BCAT1: variants seen among roughly 807,000 people sequenced by gnomAD.
The protein encoded by BCAT1 is branched-chain-amino-acid aminotransferase, cytosolic.
Under a neutral mutation model 52.4 loss-of-function variants are expected in BCAT1, and 48 were observed. The ratio of observed to expected loss-of-function variants is 0.92; its 90% CI spans 0.73 to 1.16. The LOEUF (loss-of-function observed/expected upper bound fraction) is 1.16, where lower values mean the gene tolerates loss of function less well. BCAT1 is among the 50% of genes most tolerant of loss of function. The pLI is 0.00. For synonymous variants in BCAT1, 167 were observed against 161.3 expected (o/e 1.04, Z -0.27); for missense variants, 451 against 457.1 (o/e 0.99, Z 0.12).
At chr12:24,881,280 G>A (rs1191104331) in intron 4 of BCAT1, 21 bp downstream of exon 4, 1 of 1,533,220 alleles carries the variant, frequency 6.5e-7, no homozygotes, top group East Asian at 2.3e-5. Context: ...AAACACAAAA[G>A]AAACTCCTAC....
At chr12:24,894,223 T>G in intron 3 of BCAT1, 52 bp downstream of exon 3, 1 of 1,559,546 alleles carries the variant, frequency 6.4e-7, no homozygotes, top group East Asian at 2.3e-5. Context: ...AGCTACTTAG[T>G]ACCCACAGTG....
Position 24,811,271 on chromosome 12 carries a change from C to T in BCAT1, c.*6737G>A, listed in dbSNP as rs189119258. 6.6e-6 allele frequency: 1 copy of T among 152,216 alleles called. No individual in the cohort carries two copies. Among genetic ancestry groups the T allele is most frequent in the East Asian group, 1.9e-4 (1 of 5,188 alleles). 9.4% of individuals were successfully genotyped at this position (152,216 alleles called of 1,614,324 possible). ...AAAATACTATCCTACATTTACTTCC[C>T]TTGACCAGAAACCTTGAGACATCAT... On this transcript the variant is annotated 3_prime_UTR_variant, in exon 11 of 11. Transcript: ENST00000261192.
In BCAT1 at chr12:24,814,017, A is replaced by G. The variant is rs557593911; in HGVS notation, c.*3991T>C. 6.6e-6 allele frequency: 1 copy of G among 152,272 alleles called. No individual in the cohort carries two copies. Among genetic ancestry groups the G allele is most frequent in the South Asian group, 2.1e-4 (1 of 4,828 alleles). The allele number at this position is 152,272 out of a possible 1,614,324, so 9.4% of individuals were successfully genotyped here. On this transcript the variant is annotated 3_prime_UTR_variant, in exon 11 of 11. Coordinates refer to ENST00000261192, the MANE Select transcript of BCAT1 (RefSeq NM_005504.7). ...CATCATCTTTGCCAAGTAATAGGTA[A>G]TGCTCATTGAAAAGCTGGTACCCTT...
intron 1 of BCAT1, among the ~76,000 whole-genome samples, chr12:24,927,313 A>AAAAAG (rs956551193): frequency 8.5e-5 from 13 of 152,312 alleles, no homozygotes; most frequent in African/African-American, 2.2e-4. Context: ...GTCTCGAAAA[A>AAAAAG]AAAAGAAAAG....
chr12:24,878,631 G>C lies in BCAT1; in HGVS notation c.409C>G (p.Leu137Val), dbSNP rs1223436894. 6.2e-7 allele frequency: 1 copy of C among 1,603,330 alleles called. No individual in the cohort carries two copies. The highest frequency in any genetic ancestry group is 8.5e-7 in the Non-Finnish European group (1 of 1,174,920). The stretch of plus-strand genomic sequence containing the variant: ...ACAAGCTGTTGAATACACTCTAAGA[G>C]CTCTTCTTTGTCAAATACCTGAAAG... The part of the protein sequence containing the change: ...ATLPVFDKEE[L>V]LECIQQLVKL... The change falls in exon 5 of 11, where the codon CTC becomes GTC. Residue 137 changes from leucine to valine, a missense_variant. Coordinates refer to ENST00000261192, the MANE Select transcript of BCAT1 (RefSeq NM_005504.7).
intron 10 of BCAT1, 138 bp from the exon 11 acceptor site, chr12:24,818,187 C>A: frequency 2.5e-6 from 2 of 786,606 alleles, no homozygotes; most frequent in South Asian, 1.7e-5. Flanking sequence ...TAAACATGTT[C>A]ACATTAAAAA....
At chr12:24,866,976 G>T (rs545683477) in intron 5 of BCAT1, among the ~76,000 whole-genome samples, 1 of 152,240 alleles carries the variant, frequency 6.6e-6, no homozygotes, top group South Asian at 2.1e-4. Flanking sequence ...CTCACTCTTT[G>T]GGTCCACACT....
At chr12:24,894,527 G>A (rs950263620) in intron 2 of BCAT1, 52 bp from the exon 3 acceptor site, 20 of 1,443,094 alleles carry the variant, frequency 1.4e-5, no homozygotes, top group Middle Eastern at 1.7e-4. Flanking sequence ...AGCATTCGCT[G>A]GCTAGATTAT....
intron 2 of BCAT1, among the ~76,000 whole-genome samples, chr12:24,899,973 G>A (rs1943054346): frequency 6.6e-6 from 1 of 152,046 alleles, no homozygotes; most frequent in Non-Finnish European, 1.5e-5. Context: ...AGATAGAAGC[G>A]ATAAAGTCTA....
At chr12:24,856,826 C>A (rs554338056) in intron 5 of BCAT1, among the ~76,000 whole-genome samples, 8 of 152,182 alleles carry the variant, frequency 5.3e-5, no homozygotes, top group Non-Finnish European at 1.2e-4. Context: ...TGGTCAGTTA[C>A]AAACTTTTCT....
At chr12:24,874,231 T>C (rs1189661888) in intron 5 of BCAT1, among the ~76,000 whole-genome samples, 1 of 152,116 alleles carries the variant, frequency 6.6e-6, no homozygotes, top group Non-Finnish European at 1.5e-5. Flanking sequence ...GGAGAATCAC[T>C]TGAACCTGGG....
At chr12:24,891,673 C>T (rs1259339644) in intron 3 of BCAT1, among the ~76,000 whole-genome samples, 1 of 151,506 alleles carries the variant, frequency 6.6e-6, no homozygotes, top group Non-Finnish European at 1.5e-5. Flanking sequence ...TTTAAACTAC[C>T]CTAATTACAA....
At chr12:24,846,373 T>C (rs1376168307) in intron 6 of BCAT1, among the ~76,000 whole-genome samples, 1 of 152,210 alleles carries the variant, frequency 6.6e-6, no homozygotes. Context: ...CATGGTAATA[T>C]AGTTGGGTTC....
chr12:24,836,712 A>T, intron 7 of BCAT1, 116 bp from the exon 8 acceptor site: 2 of 843,364 alleles, frequency 2.4e-6, no homozygotes, highest in Non-Finnish European at 3.9e-6. Context: ...ACATAAAGAA[A>T]ATTTTACTGT....
In BCAT1 at chr12:24,892,093, T is replaced by TGTTTTGTTTC. The variant is rs1555112478; in HGVS notation, c.279+2181_279+2182insGAAACAAAAC. ...TGTTTTGTTTTGTTTTGTTTTGTTT[T>TGTTTTGTTTC]GTTTCAATAGAGTCAGGGTCTCATC... is the stretch of plus-strand genomic sequence containing the variant. On this transcript the variant is annotated intron_variant, in intron 3 of 10. Transcript: ENST00000261192. Among the ~76,000 whole-genome samples, 254 of 150,816 alleles carry TGTTTTGTTTC rather than the reference T, an allele frequency of 1.7e-3. 1 individual carries two copies. The highest frequency in any genetic ancestry group is 0.013 in the East Asian group (67 of 5,106).
chr12:24,883,831 T>TGG (rs546455986), intron 3 of BCAT1, among the ~76,000 whole-genome samples: 6 of 152,288 alleles, frequency 3.9e-5, no homozygotes, highest in African/African-American at 1.4e-4. Flanking sequence ...ATTCCTGCAA[T>TGG]GCACAGTTCA....
At chr12:24,942,018 A>C (rs1943856248) in intron 1 of BCAT1, among the ~76,000 whole-genome samples, 2 of 152,204 alleles carry the variant, frequency 1.3e-5, no homozygotes, top group Admixed American at 1.3e-4. Flanking sequence ...GCACTAAACT[A>C]AACTCAGGAG....
rs758821206 is a variant in BCAT1 at position 24,832,784 on chromosome 12, ATC to A, written c.981_982del (p.Glu327AspfsTer15). 4.6e-5 allele frequency: 74 copies of A among 1,611,782 alleles called. No homozygotes were observed. The highest frequency in any genetic ancestry group is 1.2e-4 in the Admixed American group (7 of 59,746). Reference sequence around the variant, plus strand: ...AACACAGGCTGTACCAGAGCCAAACATCTCTCTCACTCTGTTCCCCTCCAGGG... The same window carrying A: ...AACACAGGCTGTACCAGAGCCAAACATCTCTCACTCTGTTCCCCTCCAGGG... On this transcript the variant is annotated frameshift_variant, in exon 9 of 11. Transcript: ENST00000261192. LOFTEE classifies it high-confidence loss of function.
intron 3 of BCAT1, among the ~76,000 whole-genome samples, chr12:24,886,492 AAAG>A (rs1942665297): frequency 6.6e-6 from 1 of 152,218 alleles, no homozygotes; most frequent in South Asian, 2.1e-4. Context: ...CTCGATGAAA[AAAG>A]TAGTTCCACT....
Sources: allele counts gnomAD v4.1 joint callset (sites outside exome capture counted in the v4.1 genomes callset), GRCh38; gene constraint gnomAD v4.1.1; transcripts MANE v1.5; gene names NCBI Gene and HGNC (gene_info 2026-07-23, HGNC 2026-07-21).